The following CACNA1D variants were observed in gnomAD, a reference collection of about 807,000 sequenced individuals.
CACNA1D encodes the protein voltage-dependent L-type calcium channel subunit alpha-1D.
CACNA1D carries 55 observed loss-of-function variants against 257.1 expected under a neutral mutation model. The ratio of observed to expected loss-of-function variants is 0.21; its 90% confidence interval spans 0.17 to 0.27. The LOEUF is 0.27. Among genes scored for constraint, CACNA1D ranks in the 10% least tolerant of loss-of-function variants. The pLI, the probability that CACNA1D is intolerant of heterozygous loss-of-function variation, is 1.00. For synonymous variants in CACNA1D, 980 were observed against 1,014.9 expected (o/e 0.97, Z 0.65); for missense variants, 1,876 against 2,784.0 (o/e 0.67, Z 7.34).
chr3:53,663,243 G>A (rs761007133), intron 5 of CACNA1D, among the ~76,000 whole-genome samples: 22 of 152,104 alleles, frequency 1.4e-4, no homozygotes, highest in Admixed American at 3.3e-4. Context: ...GCTGTATTCT[G>A]GTTTCCGATG....
chr3:53,580,676 A>T (rs1237835507), intron 3 of CACNA1D, among the ~76,000 whole-genome samples: 1 of 152,250 alleles, frequency 6.6e-6, no homozygotes, highest in African/African-American at 2.4e-5. Context: ...GTGAAGGCGG[A>T]GACCATGACC....
chr3:53,751,351 A>G lies in CACNA1D; in HGVS notation c.3517-398A>G, dbSNP rs994035803. ...GGCAGGGGAACTATAGGTGTGATCCACCTATAGATCCCCCGTATGTGTGAT... is the reference window on the plus strand; with the variant it reads ...GGCAGGGGAACTATAGGTGTGATCCGCCTATAGATCCCCCGTATGTGTGAT... On this transcript the variant is annotated intron_variant, in intron 27 of 47. Transcript: ENST00000350061. This position sits in a 1 kb window ranked among gnomAD's most constrained non-coding sequence, Gnocchi z 4.3. Among the ~76,000 whole-genome samples the G allele has an allele frequency of 6.6e-6, 1 of 152,184 alleles. No homozygotes were observed. The highest frequency in any genetic ancestry group is 2.4e-5 in the African/African-American group (1 of 41,432).
At chr3:53,634,143 A>G (rs1479686700) in intron 3 of CACNA1D, among the ~76,000 whole-genome samples, 3 of 152,230 alleles carry the variant, frequency 2.0e-5, no homozygotes, top group Non-Finnish European at 4.4e-5. Context: ...GCTTTAAAAT[A>G]CAGACTACAG....
At chr3:53,687,475 A>C (rs2094483198) in intron 8 of CACNA1D, among the ~76,000 whole-genome samples, 1 of 151,918 alleles carries the variant, frequency 6.6e-6, no homozygotes, top group Non-Finnish European at 1.5e-5. Flanking sequence ...CTTTTTGATA[A>C]AGGTGCTAGA....
Position 53,774,988 on chromosome 3 carries a change from T to C in CACNA1D, c.4202+310T>C, listed in dbSNP as rs1243491312. ...GGATGTACGTTTATGCATGGAGGCA[T>C]GCACTTGAACACGACCAGGAAGACA... On this transcript the variant is annotated intron_variant, in intron 34 of 47. Transcript: ENST00000350061. The surrounding 1 kb of genome is among the most constrained non-coding windows in gnomAD (Gnocchi z 4.3). Among the ~76,000 whole-genome samples the C allele has an allele frequency of 1.3e-5, 2 of 152,190 alleles. No individual in the cohort carries two copies. Among genetic ancestry groups the C allele is most frequent in the East Asian group, 3.8e-4 (2 of 5,198 alleles).
At chr3:53,595,750 T>A (rs973879205) in intron 3 of CACNA1D, among the ~76,000 whole-genome samples, 2 of 152,072 alleles carry the variant, frequency 1.3e-5, no homozygotes, top group Non-Finnish European at 2.9e-5. Flanking sequence ...GGGTAAGAAT[T>A]GGTGAAAAAA....
At chr3:53,781,852 T>C (rs1435798228) in intron 39 of CACNA1D, 185 bp downstream of exon 39, 2 of 629,902 alleles carry the variant, frequency 3.2e-6, no homozygotes, top group East Asian at 5.6e-5. Flanking sequence ...TGAAGAACAT[T>C]CCAGACAAAG....
At chr3:53,618,380 G>A (rs1333940247) in intron 3 of CACNA1D, among the ~76,000 whole-genome samples, 3 of 152,210 alleles carry the variant, frequency 2.0e-5, no homozygotes, top group Non-Finnish European at 2.9e-5. Context: ...TTGTGCTGAT[G>A]CGGAGACTTC....
chr3:53,803,438 T>C lies in CACNA1D; in HGVS notation c.5451T>C (p.Asp1817=). The C allele has an allele frequency of 6.2e-7, 1 of 1,614,228 alleles. No homozygotes were observed. The highest frequency in any genetic ancestry group is 1.1e-5 in the South Asian group (1 of 91,084). ...CCAACTGCAGGTCCGACTCAGGAGATGAACAGCTCCCAACTATTTGCCGGG... is the reference window on the plus strand; with the variant it reads ...CCAACTGCAGGTCCGACTCAGGAGACGAACAGCTCCCAACTATTTGCCGGG... The part of the protein sequence containing the change: ...YETYIRSDSG[D]EQLPTICRED... The change falls in exon 44 of 48, where the codon GAT becomes GAC. Residue 1817 remains aspartate, a synonymous_variant. Transcript: ENST00000350061.
intron 26 of CACNA1D, among the ~76,000 whole-genome samples, chr3:53,747,781 C>CCATTCATT (rs3082680): frequency 0.019 from 2,804 of 150,604 alleles, 66 homozygotes; most frequent in African/African-American, 0.064. Flanking sequence ...GTGTCCCAAA[C>CCATTCATT]CATTCATTCA....
At chr3:53,790,118 T>G (rs780446129) in intron 40 of CACNA1D, among the ~76,000 whole-genome samples, 31 of 152,228 alleles carry the variant, frequency 2.0e-4, no homozygotes, top group Non-Finnish European at 3.1e-4. Flanking sequence ...GCGCATCTCC[T>G]ACATGCCATG....
chr3:53,614,342 G>T (rs2107983292), intron 3 of CACNA1D, among the ~76,000 whole-genome samples: 1 of 152,220 alleles, frequency 6.6e-6, no homozygotes, highest in South Asian at 2.1e-4. Context: ...CTATCCTCTG[G>T]AATTTGCCAG....
In CACNA1D at chr3:53,731,116, A is replaced by G; in HGVS notation, c.2376A>G (p.Glu792=). 1.2e-6 allele frequency: 2 copies of G among 1,612,106 alleles called. No individual in the cohort carries two copies. Among genetic ancestry groups the G allele is most frequent in the Non-Finnish European group, 1.7e-6 (2 of 1,178,120 alleles). The change falls in exon 17 of 48, where the codon GAA becomes GAG. Residue 792 remains glutamate (E), a synonymous_variant. Coordinates refer to ENST00000350061, the MANE Select transcript of CACNA1D (RefSeq NM_001128840.3). ...AAAATAAAAAGAACAACAAACCAGA[A>G]GTCAACCAGATAGCCAACAGTGACA... ...SLENKKNNKP[E]VNQIANSDNK...
At chr3:53,563,723 C>T (rs1185330569) in intron 3 of CACNA1D, among the ~76,000 whole-genome samples, 2 of 152,030 alleles carry the variant, frequency 1.3e-5, no homozygotes, top group African/African-American at 4.8e-5. Flanking sequence ...ATCGGTAATT[C>T]ATTAGTTTTC....
At chr3:53,747,781 CCATTCATTCATT>C (rs3082680) in intron 26 of CACNA1D, among the ~76,000 whole-genome samples, 15 of 150,612 alleles carry the variant, frequency 1.0e-4, no homozygotes, top group East Asian at 2.0e-4. Flanking sequence ...GTGTCCCAAA[CCATTCATTCATT>C]CATTCATTCA....
At chr3:53,603,144 C>T (rs571224376) in intron 3 of CACNA1D, among the ~76,000 whole-genome samples, 8 of 152,322 alleles carry the variant, frequency 5.3e-5, no homozygotes, top group South Asian at 2.1e-4. Context: ...TTTGCATCTG[C>T]GGCTTTCTGA....
At chr3:53,643,646 C>T (rs2093987502) in intron 3 of CACNA1D, among the ~76,000 whole-genome samples, 1 of 152,094 alleles carries the variant, frequency 6.6e-6, no homozygotes, top group South Asian at 2.1e-4. Flanking sequence ...TGTTGTTTTC[C>T]AACTGGAAGA....
intron 30 of CACNA1D, among the ~76,000 whole-genome samples, chr3:53,769,029 T>A (rs1466287792): frequency 2.0e-5 from 3 of 152,188 alleles, no homozygotes; most frequent in Admixed American, 2.0e-4. Flanking sequence ...CGCTGACTGT[T>A]GCTGTTTAAT....
chr3:53,651,366 C>CTTTTTCTTT (rs2094091728), intron 4 of CACNA1D, among the ~76,000 whole-genome samples: 18 of 81,854 alleles, frequency 2.2e-4, no homozygotes, highest in African/African-American at 8.0e-4. Flanking sequence ...TATTAATTTT[C>CTTTTTCTTT]TTTTTTTTTT....
Sources: allele counts gnomAD v4.1 joint callset (sites outside exome capture counted in the v4.1 genomes callset), GRCh38; gene constraint gnomAD v4.1.1; non-coding constraint Gnocchi (gnomAD v3.1); transcripts MANE v1.5; gene names NCBI Gene and HGNC (gene_info 2026-07-23, HGNC 2026-07-21).